The following TBC1D5 variants were observed in gnomAD, a reference collection of about 807,000 sequenced individuals.
TBC1D5 encodes the protein TBC1 domain family, member 5.
A neutral mutation model predicts 100.3 loss-of-function variants in TBC1D5; 75 were observed. The ratio of observed to expected loss-of-function variants is 0.75; its 90% CI spans 0.62 to 0.91. TBC1D5 has a LOEUF of 0.91. Among genes scored for constraint, TBC1D5 ranks in the 40% least tolerant of loss-of-function variants. TBC1D5 has a pLI of 0.00. For missense variants in TBC1D5, 910 were observed against 942.4 expected (o/e 0.97, Z 0.45); for synonymous variants, 323 against 325.6 (o/e 0.99, Z 0.09).
At chr3:17,566,643 C>T (rs2096595710) in intron 2 of TBC1D5, among the ~76,000 whole-genome samples, 1 of 151,714 alleles carries the variant, frequency 6.6e-6, no homozygotes, top group African/African-American at 2.4e-5. Context: ...AACTAAAAGC[C>T]TAAAATTTTA....
At chr3:17,276,050 C>T (rs2079968702) in intron 15 of TBC1D5, among the ~76,000 whole-genome samples, 1 of 152,172 alleles carries the variant, frequency 6.6e-6, no homozygotes, top group Non-Finnish European at 1.5e-5. Context: ...GTGTCTTAGT[C>T]TGTTTGGATG....
At chr3:17,427,349 A>C (rs75066783) in intron 4 of TBC1D5, among the ~76,000 whole-genome samples, 1 of 151,846 alleles carries the variant, frequency 6.6e-6, no homozygotes, top group African/African-American at 2.4e-5. Context: ...TGAAATTCAT[A>C]AACAAATTGT....
intron 1 of TBC1D5, among the ~76,000 whole-genome samples, chr3:17,730,111 C>CAA (rs879311719): frequency 7.4e-6 from 1 of 134,384 alleles, no homozygotes; most frequent in Admixed American, 7.5e-5. Context: ...AACTCCATCT[C>CAA]AAAAAAAAAA....
intron 3 of TBC1D5, among the ~76,000 whole-genome samples, chr3:17,492,501 C>T (rs566850756): frequency 6.6e-6 from 1 of 152,188 alleles, no homozygotes; most frequent in African/African-American, 2.4e-5. Flanking sequence ...GTGGCACAAC[C>T]TTGGCTCACC....
intron 4 of TBC1D5, among the ~76,000 whole-genome samples, chr3:17,421,895 A>G (rs901642006): frequency 6.6e-6 from 1 of 152,182 alleles, no homozygotes; most frequent in Admixed American, 6.5e-5. Context: ...TAGATCCTCA[A>G]CAACATACAG....
At chr3:17,538,283 T>C (rs2096305815) in intron 2 of TBC1D5, among the ~76,000 whole-genome samples, 1 of 152,088 alleles carries the variant, frequency 6.6e-6, no homozygotes, top group African/African-American at 2.4e-5. Flanking sequence ...AAACACTCGG[T>C]GCTGGTGTTA....
intron 8 of TBC1D5, among the ~76,000 whole-genome samples, chr3:17,395,923 A>T (rs1356702436): frequency 6.6e-6 from 1 of 152,176 alleles, no homozygotes; most frequent in Admixed American, 6.5e-5. Flanking sequence ...TACAGGAAAG[A>T]TACTAAATAT....
chr3:17,682,847 T>C (rs6577622), intron 1 of TBC1D5, among the ~76,000 whole-genome samples: 84,914 of 151,146 alleles, frequency 0.56, 25,383 homozygotes, highest in East Asian at 0.99. Context: ...GTGATTCATA[T>C]AGTACCCTAC....
intron 2 of TBC1D5, among the ~76,000 whole-genome samples, chr3:17,551,118 A>T (rs1239696918): frequency 6.6e-6 from 1 of 152,170 alleles, no homozygotes; most frequent in African/African-American, 2.4e-5. Flanking sequence ...ATATACACAC[A>T]TACAGCAAAA....
chr3:17,663,342 T>C (rs1163382035), intron 1 of TBC1D5, among the ~76,000 whole-genome samples: 1 of 149,396 alleles, frequency 6.7e-6, no homozygotes, highest in Non-Finnish European at 1.5e-5. Flanking sequence ...TAAAAAAAAA[T>C]CAAACACAGA....
chr3:17,665,200 C>T (rs939500319), intron 1 of TBC1D5, among the ~76,000 whole-genome samples: 1 of 152,108 alleles, frequency 6.6e-6, no homozygotes, highest in Non-Finnish European at 1.5e-5. Flanking sequence ...CTTCCTTAAT[C>T]TTGAGAGGTG....
chr3:17,314,533 C>T (rs2084430761), intron 13 of TBC1D5, among the ~76,000 whole-genome samples: 1 of 152,150 alleles, frequency 6.6e-6, no homozygotes, highest in Non-Finnish European at 1.5e-5. Flanking sequence ...CAATGTTCCT[C>T]AGCTTGAGTG....
intron 2 of TBC1D5, among the ~76,000 whole-genome samples, chr3:17,546,296 G>A (rs1229844375): frequency 6.6e-6 from 1 of 151,964 alleles, no homozygotes; most frequent in African/African-American, 2.4e-5. Flanking sequence ...CTACTTACAG[G>A]GTGCTTATAT....
chr3:17,672,743 A>T (rs2068089039), intron 1 of TBC1D5: 1 of 152,232 alleles, frequency 6.6e-6, no homozygotes, highest in South Asian at 2.1e-4. Flanking sequence ...AAAAGAAAGC[A>T]AAATACTGCT....
chr3:17,430,026 C>G (rs1380044229), intron 3 of TBC1D5, among the ~76,000 whole-genome samples: 2 of 151,760 alleles, frequency 1.3e-5, no homozygotes, highest in East Asian at 1.9e-4. Flanking sequence ...TAAAATTAAC[C>G]TAGCTAGGTA....
intron 2 of TBC1D5, among the ~76,000 whole-genome samples, chr3:17,570,878 C>CA (rs1324595038): frequency 6.6e-6 from 1 of 151,744 alleles, no homozygotes; most frequent in Non-Finnish European, 1.5e-5. Context: ...GAGAGAACTG[C>CA]AAAAAAGTTG....
intron 17 of TBC1D5, among the ~76,000 whole-genome samples, chr3:17,216,518 A>T (rs1055002256): frequency 6.6e-6 from 1 of 152,104 alleles, no homozygotes; most frequent in African/African-American, 2.4e-5. Flanking sequence ...CCAACCTGTA[A>T]TGCATGATAT....
chr3:17,270,521 T>C (rs1005469971), intron 15 of TBC1D5, among the ~76,000 whole-genome samples: 76 of 152,268 alleles, frequency 5.0e-4, no homozygotes, highest in African/African-American at 1.7e-3. Flanking sequence ...TCACTGTAAG[T>C]GAGCATTCTC....
intron 1 of TBC1D5, among the ~76,000 whole-genome samples, chr3:17,625,781 A>T (rs1181511323): frequency 2.0e-5 from 3 of 152,076 alleles, no homozygotes; most frequent in Non-Finnish European, 4.4e-5. Context: ...GAAGCAAAAA[A>T]ATAATGTATC....
Sources: allele counts gnomAD v4.1 joint callset (sites outside exome capture counted in the v4.1 genomes callset), GRCh38; gene constraint gnomAD v4.1.1; transcripts MANE v1.5; gene names NCBI Gene and HGNC (gene_info 2026-07-23, HGNC 2026-07-21).